FMN1: variants seen among roughly 807,000 people sequenced by gnomAD.
FMN1 encodes the protein formin-1.
Under a neutral mutation model 132.4 loss-of-function variants are expected in FMN1, and 110 were observed. The ratio of observed to expected loss-of-function variants is 0.83; its 90% CI spans 0.71 to 0.97. The LOEUF (loss-of-function observed/expected upper bound fraction) is 0.97. Ranked by LOEUF, FMN1 falls within the 50% of genes least tolerant of loss-of-function variation. FMN1 has a pLI of 0.00. For synonymous variants in FMN1, 722 were observed against 651.7 expected (o/e 1.11, Z -1.64); for missense variants, 1,792 against 1,705.3 (o/e 1.05, Z -0.90).
At chr15:33,124,244 G>C (rs1043562547) in intron 4 of FMN1, among the ~76,000 whole-genome samples, 5 of 148,264 alleles carry the variant, frequency 3.4e-5, no homozygotes, top group African/African-American at 1.3e-4. Context: ...GGAAACAGAT[G>C]TTATGTGGAG....
intron 5 of FMN1, among the ~76,000 whole-genome samples, chr15:33,070,066 T>A (rs904602529): frequency 7.6e-6 from 1 of 132,122 alleles, no homozygotes; most frequent in Admixed American, 9.2e-5. Context: ...AGTGGAATGG[T>A]GCAATCTCCG....
At chr15:33,036,248 T>C (rs561200437) in intron 6 of FMN1, among the ~76,000 whole-genome samples, 7 of 152,318 alleles carry the variant, frequency 4.6e-5, no homozygotes, top group African/African-American at 1.7e-4. Context: ...GTAATTCAAA[T>C]GCCTAGAAGA....
intron 4 of FMN1, among the ~76,000 whole-genome samples, chr15:33,107,374 C>G (rs375782807): frequency 8.5e-5 from 13 of 152,172 alleles, no homozygotes; most frequent in African/African-American, 2.9e-4. Context: ...AAATGTCACA[C>G]CATTCCTCAG....
At chr15:33,076,364 A>G (rs963965138) in intron 5 of FMN1, among the ~76,000 whole-genome samples, 11 of 152,192 alleles carry the variant, frequency 7.2e-5, no homozygotes, top group Middle Eastern at 3.2e-3. Context: ...TCATGCAGTA[A>G]AGCGAGGCAC....
At chr15:33,083,577 T>C (rs1017628580) in intron 5 of FMN1, among the ~76,000 whole-genome samples, 3 of 152,376 alleles carry the variant, frequency 2.0e-5, no homozygotes, top group Non-Finnish European at 2.9e-5. Flanking sequence ...TCTTGTGCTC[T>C]GGACCCTTCC....
chr15:32,943,474 C>CA (rs1163061568), intron 9 of FMN1, among the ~76,000 whole-genome samples: 1 of 152,180 alleles, frequency 6.6e-6, no homozygotes, highest in Non-Finnish European at 1.5e-5. Flanking sequence ...CTACTGATGA[C>CA]AAGTCAGCTT....
intron 16 of FMN1, among the ~76,000 whole-genome samples, chr15:32,865,853 AT>A (rs72399655): frequency 0.24 from 34,633 of 145,818 alleles, 4,417 homozygotes; most frequent in East Asian, 0.35. Flanking sequence ...AAAAAAAAAA[AT>A]AAAATAAAAT....
chr15:33,169,375 A>T (rs1566964405), intron 3 of FMN1, among the ~76,000 whole-genome samples: 1 of 152,226 alleles, frequency 6.6e-6, no homozygotes, highest in South Asian at 2.1e-4. Context: ...TTGAAAACAT[A>T]AAACAGTTTA....
At chr15:33,010,641 G>A (rs943539820) in intron 6 of FMN1, among the ~76,000 whole-genome samples, 4 of 151,958 alleles carry the variant, frequency 2.6e-5, no homozygotes, top group Non-Finnish European at 5.9e-5. Flanking sequence ...AAGAGAAAAA[G>A]GAAGGTATTA....
intron 6 of FMN1, among the ~76,000 whole-genome samples, chr15:33,026,409 T>TACACACACACACACACACAC (rs532485925): frequency 1.4e-4 from 3 of 21,382 alleles, no homozygotes; most frequent in Non-Finnish European, 2.8e-4. Flanking sequence ...CGTCCAAATT[T>TACACACACACACACACACAC]TCACACACAC....
rs144907849 is a variant in FMN1 at position 32,838,412 on chromosome 15, T to C, written c.3928+18603A>G. On this transcript the variant is annotated intron_variant, in intron 17 of 20. Coordinates refer to ENST00000616417, the MANE Select transcript of FMN1 (RefSeq NM_001277313.2). ...GATTTCTGTGCATCTCAAGAGGAGA[T>C]AAATGGCAGATTGAAGGGACCCTCT... Among the ~76,000 whole-genome samples the C allele has an allele frequency of 5.8e-3, 884 of 152,236 alleles. 12 individuals carry two copies. Among genetic ancestry groups the C allele is most frequent in the African/African-American group, 0.02 (850 of 41,524 alleles).
rs550059842 is a variant in FMN1, at chr15:32,838,445, C to A, written c.3928+18570G>T. Among the ~76,000 whole-genome samples the A allele has an allele frequency of 3.4e-5, 5 of 147,608 alleles. No individual in the cohort carries two copies. In the South Asian group the frequency reaches 1.1e-3, roughly 33 times the overall value. ...AGATTGAAGGGACCCTCTTGGCATT[C>A]TGGATCCAAGAGGAAAACATAGCAG... On this transcript the variant is annotated intron_variant, in intron 17 of 20. Transcript: ENST00000616417.
intron 7 of FMN1, among the ~76,000 whole-genome samples, chr15:32,995,613 A>G (rs1223861819): frequency 6.6e-6 from 1 of 152,214 alleles, no homozygotes; most frequent in African/African-American, 2.4e-5. Flanking sequence ...CATCATTACT[A>G]AATGATGTTT....
At chr15:32,814,757 C>T (rs949940245) in intron 17 of FMN1, among the ~76,000 whole-genome samples, 20 of 152,172 alleles carry the variant, frequency 1.3e-4, no homozygotes, top group Non-Finnish European at 4.4e-5. Flanking sequence ...TTCTGAAAGG[C>T]ATGGACTACG....
chr15:32,787,783 T>C (rs1255952698), intron 19 of FMN1, among the ~76,000 whole-genome samples: 1 of 152,082 alleles, frequency 6.6e-6, no homozygotes, highest in African/African-American at 2.4e-5. Flanking sequence ...ATCCCAGGAA[T>C]TGGAGGTTAC....
intron 4 of FMN1, among the ~76,000 whole-genome samples, chr15:33,115,807 T>C (rs894653598): frequency 2.0e-5 from 3 of 152,178 alleles, no homozygotes; most frequent in East Asian, 1.9e-4. Flanking sequence ...TTCCACCTTA[T>C]GGCTTGACTC....
At chr15:32,946,784 T>C (rs2061520463) in intron 9 of FMN1, among the ~76,000 whole-genome samples, 1 of 152,118 alleles carries the variant, frequency 6.6e-6, no homozygotes, top group Non-Finnish European at 1.5e-5. Context: ...GCATCCTGCG[T>C]TGGTGGAGAC....
At chr15:33,012,456 A>C (rs1479085703) in intron 6 of FMN1, 11 of 1,057,058 alleles carry the variant, frequency 1.0e-5, no homozygotes, top group Admixed American at 6.8e-5. Flanking sequence ...GCATTAAAGA[A>C]GACACAGAAG....
At chr15:32,903,500 A>G (rs2060346264) in intron 12 of FMN1, among the ~76,000 whole-genome samples, 3 of 152,118 alleles carry the variant, frequency 2.0e-5, no homozygotes, top group Non-Finnish European at 4.4e-5. Flanking sequence ...TCAGATGCTG[A>G]GCTATTCTGA....
Sources: allele counts gnomAD v4.1 joint callset (sites outside exome capture counted in the v4.1 genomes callset), GRCh38; gene constraint gnomAD v4.1.1; transcripts MANE v1.5; gene names NCBI Gene and HGNC (gene_info 2026-07-23, HGNC 2026-07-21).